The following CLVS1 variants were observed in gnomAD, a reference collection of about 807,000 sequenced individuals.
The protein encoded by CLVS1 is clavesin-1.
In CLVS1, 10 loss-of-function variants were observed where a neutral mutation model predicts 33.1. The ratio of observed to expected loss-of-function variants is 0.30; its 90% CI spans 0.19 to 0.51. The LOEUF is 0.51. Ranked by LOEUF, CLVS1 falls within the 20% of genes least tolerant of loss-of-function variation. CLVS1 has a pLI of 0.97. For missense variants in CLVS1, 343 were observed against 433.4 expected (o/e 0.79, Z 1.85); for synonymous variants, 163 against 166.1 (o/e 0.98, Z 0.14).
intron 1 of CLVS1, among the ~76,000 whole-genome samples, chr8:61,130,625 G>GTTTT (rs1806076629): frequency 3.3e-5 from 5 of 152,018 alleles, no homozygotes; most frequent in Admixed American, 6.5e-5. Context: ...TGTTTTGTTT[G>GTTTT]TACATATAAT....
At chr8:61,267,820 T>C (rs1809342960) in intron 2 of CLVS1, among the ~76,000 whole-genome samples, 1 of 152,226 alleles carries the variant, frequency 6.6e-6, no homozygotes, top group South Asian at 2.1e-4. Flanking sequence ...TAAAATAGGC[T>C]TTAATTTATT....
chr8:60,967,648 C>T, the CLVS1 span: 5 of 455,936 alleles, frequency 1.1e-5, no homozygotes, highest in Non-Finnish European at 1.8e-5. Context: ...CAGGGCTTCT[C>T]GGAAGCCATT....
chr8:61,262,965 T>C (rs1205151879), intron 2 of CLVS1, among the ~76,000 whole-genome samples: 2 of 152,296 alleles, frequency 1.3e-5, no homozygotes, highest in African/African-American at 4.8e-5. Context: ...GATGATCTTA[T>C]GGGCAATTTA....
intron 1 of CLVS1, among the ~76,000 whole-genome samples, chr8:61,091,953 T>A (rs1805259431): frequency 6.6e-6 from 1 of 152,228 alleles, no homozygotes; most frequent in Admixed American, 6.5e-5. Context: ...AAGAAAAATG[T>A]GTGAGATTCC....
intron 3 of CLVS1, 75 bp from the exon 4 acceptor site, chr8:61,454,066 G>A (rs1009178132): frequency 3.0e-6 from 3 of 988,334 alleles, no homozygotes; most frequent in African/African-American, 3.2e-5. Context: ...TTGTTCTTTG[G>A]GGCATTGGTC....
chr8:61,208,984 GAC>G (rs1014094433), intron 2 of CLVS1, among the ~76,000 whole-genome samples: 1 of 152,132 alleles, frequency 6.6e-6, no homozygotes, highest in Non-Finnish European at 1.5e-5. Flanking sequence ...TAGTGTAAAA[GAC>G]ACAAAGTGAT....
At chr8:61,002,860 T>A in the CLVS1 span, among the ~76,000 whole-genome samples, 1 of 152,162 alleles carries the variant, frequency 6.6e-6, no homozygotes, top group African/African-American at 2.4e-5. Context: ...GAGGGTCTGG[T>A]AGAAAAGGAA....
chr8:61,172,051 C>G (rs1362804728), intron 2 of CLVS1, among the ~76,000 whole-genome samples: 3 of 152,198 alleles, frequency 2.0e-5, no homozygotes, highest in Non-Finnish European at 4.4e-5. Context: ...ACATATTCCT[C>G]TGCCTAGTCC....
chr8:61,238,599 G>A (rs1268291618), intron 2 of CLVS1, among the ~76,000 whole-genome samples: 3 of 152,160 alleles, frequency 2.0e-5, no homozygotes, highest in East Asian at 1.9e-4. Context: ...CAAGTGACAG[G>A]TAGAGGGCCC....
chr8:61,487,886 C>A (rs1161376953), intron 5 of CLVS1, among the ~76,000 whole-genome samples: 1 of 152,188 alleles, frequency 6.6e-6, no homozygotes, highest in African/African-American at 2.4e-5. Context: ...ATTTCGTCAG[C>A]CATTGCCAAC....
At chr8:61,400,434 T>A (rs1814704233) in intron 3 of CLVS1, among the ~76,000 whole-genome samples, 2 of 152,212 alleles carry the variant, frequency 1.3e-5, no homozygotes, top group Admixed American at 1.3e-4. Context: ...GCTTCTGGGA[T>A]GAGATGATGG....
chr8:61,336,934 G>C (rs1811829638), intron 2 of CLVS1, among the ~76,000 whole-genome samples: 2 of 152,214 alleles, frequency 1.3e-5, no homozygotes, highest in South Asian at 4.1e-4. Context: ...AGAGGGAATA[G>C]GTTATGGCAA....
intron 2 of CLVS1, 121 bp downstream of exon 2, chr8:61,300,403 C>A: frequency 2.1e-6 from 2 of 937,504 alleles, no homozygotes; most frequent in Non-Finnish European, 3.1e-6. Flanking sequence ...ACATGTTCAC[C>A]AAGGAAGTTT....
At chr8:61,385,283 T>C (rs1053186022) in intron 3 of CLVS1, among the ~76,000 whole-genome samples, 1 of 152,224 alleles carries the variant, frequency 6.6e-6, no homozygotes, top group Non-Finnish European at 1.5e-5. Flanking sequence ...TCTCTGCCTC[T>C]CATTATTATA....
At chr8:61,326,932 T>C (rs1157478450) in intron 2 of CLVS1, among the ~76,000 whole-genome samples, 3 of 152,186 alleles carry the variant, frequency 2.0e-5, no homozygotes, top group Non-Finnish European at 4.4e-5. Flanking sequence ...GATTTTATCT[T>C]TTAATTCTCA....
chr8:61,339,061 G>A (rs1811916671), intron 2 of CLVS1, among the ~76,000 whole-genome samples: 1 of 151,942 alleles, frequency 6.6e-6, no homozygotes, highest in South Asian at 2.1e-4. Context: ...GATGCTTTGA[G>A]GTTGGAGAGG....
intron 3 of CLVS1, among the ~76,000 whole-genome samples, chr8:61,441,483 A>C (rs553450077): frequency 5.9e-5 from 9 of 152,298 alleles, no homozygotes; most frequent in African/African-American, 2.2e-4. Flanking sequence ...ATAAGAAGAG[A>C]TAAGGAGAGA....
At position 61,376,783 on chromosome 8, in the gene CLVS1, T is replaced by C. The variant is rs1327806112; in HGVS notation, c.630+4T>C. ...ACTGGCCATTGAAGGGTTGCAGGTATGTTCAATGAATGCGCAATACAAGAC... is the reference window on the plus strand; with the variant it reads ...ACTGGCCATTGAAGGGTTGCAGGTACGTTCAATGAATGCGCAATACAAGAC... On this transcript the variant is annotated splice_donor_region_variant and intron_variant, in intron 3 of 5. Coordinates refer to ENST00000325897, the MANE Select transcript of CLVS1 (RefSeq NM_173519.3). 4 of 1,612,832 alleles carry C rather than the reference T, an allele frequency of 2.5e-6. No individual in the cohort carries two copies. In the Admixed American group the frequency reaches 6.7e-5, roughly 27 times the overall value.
chr8:61,138,552 G>A (rs566507517), intron 2 of CLVS1, among the ~76,000 whole-genome samples: 7 of 152,246 alleles, frequency 4.6e-5, no homozygotes, highest in Admixed American at 6.5e-5. Context: ...CCTCTAGCAC[G>A]GAGGGGAGGA....
Sources: allele counts gnomAD v4.1 joint callset (sites outside exome capture counted in the v4.1 genomes callset), GRCh38; gene constraint gnomAD v4.1.1; transcripts MANE v1.5; gene names NCBI Gene and HGNC (gene_info 2026-07-23, HGNC 2026-07-21).